The following DCUN1D4 variants were observed in gnomAD, a reference collection of about 807,000 sequenced individuals.
DCUN1D4 encodes the protein DCN1-like protein 4.
A neutral mutation model predicts 47.9 loss-of-function variants in DCUN1D4; 22 were observed. The ratio of observed to expected loss-of-function variants is 0.46; its 90% CI spans 0.33 to 0.66. The LOEUF (loss-of-function observed/expected upper bound fraction) is 0.66, where lower values mean the gene tolerates loss of function less well. Ranked by LOEUF, DCUN1D4 falls within the 30% of genes least tolerant of loss-of-function variation. DCUN1D4 has a pLI of 0.02. For synonymous variants in DCUN1D4, 121 were observed against 112.2 expected (o/e 1.08, Z -0.50); for missense variants, 301 against 340.8 (o/e 0.88, Z 0.92).
chr4:51,844,905 C>A (rs1010231351), intron 1 of DCUN1D4: 1 of 985,552 alleles, frequency 1.0e-6, no homozygotes, highest in Non-Finnish European at 1.2e-6. Flanking sequence ...GCTTTATTCC[C>A]CGGCCAGCTC....
chr4:51,863,318 A>T, intron 1 of DCUN1D4, 119 bp from the exon 2 acceptor site: 1 of 796,988 alleles, frequency 1.3e-6, no homozygotes, highest in Non-Finnish European at 2.0e-6. Context: ...AAAAAACTTT[A>T]GTGTCAAATT....
At chr4:51,866,114 T>TCTA (rs1425367557) in intron 3 of DCUN1D4, among the ~76,000 whole-genome samples, 2 of 152,166 alleles carry the variant, frequency 1.3e-5, no homozygotes. Context: ...CTAGGAGTGT[T>TCTA]CTAGGAGTTC....
chr4:51,842,991 G>A, upstream of DCUN1D4: 1 of 1,223,712 alleles, frequency 8.2e-7, no homozygotes, highest in Non-Finnish European at 1.1e-6. Flanking sequence ...AGGACCAATC[G>A]TATTGGCCAG....
intron 8 of DCUN1D4, among the ~76,000 whole-genome samples, chr4:51,907,816 C>A (rs946236273): frequency 2.6e-5 from 4 of 152,062 alleles, no homozygotes; most frequent in African/African-American, 9.7e-5. Context: ...TTTAAAGGTT[C>A]ATTTTTGTAA....
chr4:51,880,740 C>T (rs1728467151), intron 5 of DCUN1D4, among the ~76,000 whole-genome samples: 1 of 152,172 alleles, frequency 6.6e-6, no homozygotes, highest in South Asian at 2.1e-4. Flanking sequence ...GGTACTTTAG[C>T]TCTCTGTGAC....
chr4:51,857,503 T>A (rs1724318237), intron 1 of DCUN1D4, among the ~76,000 whole-genome samples: 1 of 152,188 alleles, frequency 6.6e-6, no homozygotes, highest in Non-Finnish European at 1.5e-5. Context: ...TTCCCACCAA[T>A]GTTTTCCTGT....
At chr4:51,896,838 T>C (rs1468309535) in intron 7 of DCUN1D4, among the ~76,000 whole-genome samples, 1 of 152,176 alleles carries the variant, frequency 6.6e-6, no homozygotes, top group African/African-American at 2.4e-5. Context: ...GTCTTTCTCA[T>C]AGTGGCAGGT....
intron 5 of DCUN1D4, among the ~76,000 whole-genome samples, chr4:51,878,607 A>C (rs978712631): frequency 1.3e-5 from 2 of 152,108 alleles, no homozygotes; most frequent in Admixed American, 6.5e-5. Flanking sequence ...TACATTCCTG[A>C]ACAACCTCAA....
chr4:51,894,991 T>C (rs888819196), intron 7 of DCUN1D4, among the ~76,000 whole-genome samples: 1 of 152,150 alleles, frequency 6.6e-6, no homozygotes, highest in African/African-American at 2.4e-5. Context: ...TGGTGCCTTC[T>C]AACTGGGTCC....
At chr4:51,892,402 A>G (rs1730566442) in intron 7 of DCUN1D4, among the ~76,000 whole-genome samples, 1 of 152,200 alleles carries the variant, frequency 6.6e-6, no homozygotes, top group Admixed American at 6.5e-5. Context: ...GCCAGTGGCT[A>G]TTGAGTTGAA....
chr4:51,869,115 C>T (rs1347994413), intron 3 of DCUN1D4, among the ~76,000 whole-genome samples: 1 of 105,952 alleles, frequency 9.4e-6, no homozygotes, highest in Non-Finnish European at 1.7e-5. Context: ...CAGAGGGAGA[C>T]TCCATCTCAA....
intron 1 of DCUN1D4, among the ~76,000 whole-genome samples, chr4:51,862,380 C>G (rs1725208673): frequency 1.3e-5 from 2 of 152,218 alleles, no homozygotes; most frequent in South Asian, 4.1e-4. Context: ...TTTCAGGGTT[C>G]AGAGTAGCAG....
In DCUN1D4 at chr4:51,916,751, GAGT is replaced by G. The variant is rs1734362392; in HGVS notation, c.*3169_*3171del. Reference sequence around the variant, plus strand: ...GAAATACTGTTATGCCACCTAACTTGAGTACAGCAAACTGGTTTTAGGTTTCAA... The same window carrying G: ...GAAATACTGTTATGCCACCTAACTTGACAGCAAACTGGTTTTAGGTTTCAA... On this transcript the variant is annotated 3_prime_UTR_variant, in exon 11 of 11. Transcript: ENST00000334635. 1 of 152,536 alleles carries G rather than the reference GAGT, an allele frequency of 6.6e-6. No homozygotes were observed. The highest frequency in any genetic ancestry group is 6.6e-5 in the Admixed American group (1 of 15,256). The allele number at this position is 152,536 out of a possible 1,614,324, so 9.4% of individuals were successfully genotyped here. A position where few individuals can be genotyped will look rare whatever the true frequency, so the allele number is the denominator to read the frequency against.
intron 1 of DCUN1D4, chr4:51,848,120 C>T (rs1340765605): frequency 1.9e-6 from 2 of 1,063,966 alleles, no homozygotes; most frequent in Non-Finnish European, 2.5e-6. Flanking sequence ...CTTCAAGGAA[C>T]ACAAGCTTTC....
At chr4:51,909,213 T>C (rs1446484065) in intron 8 of DCUN1D4, among the ~76,000 whole-genome samples, 1 of 152,134 alleles carries the variant, frequency 6.6e-6, no homozygotes, top group African/African-American at 2.4e-5. Context: ...GAAGGCACAA[T>C]ATATATCACA....
chr4:51,847,381 CAAAG>C (rs1317252426), intron 1 of DCUN1D4, among the ~76,000 whole-genome samples: 1 of 152,128 alleles, frequency 6.6e-6, no homozygotes, highest in East Asian at 1.9e-4. Context: ...TTTTAATAGT[CAAAG>C]AAGAGAACAA....
chr4:51,856,370 A>C (rs1287043156), intron 1 of DCUN1D4, among the ~76,000 whole-genome samples: 3 of 152,230 alleles, frequency 2.0e-5, no homozygotes, highest in Admixed American at 2.0e-4. Flanking sequence ...TTAAAAATAG[A>C]AAGTTAACAC....
chr4:51,869,123 C>CAA (rs531280197), intron 3 of DCUN1D4, among the ~76,000 whole-genome samples: 856 of 38,276 alleles, frequency 0.022, 134 homozygotes, highest in African/African-American at 0.063. Flanking sequence ...GACTCCATCT[C>CAA]AAAAAAAAAA....
intron 5 of DCUN1D4, among the ~76,000 whole-genome samples, chr4:51,882,805 A>T (rs1231669956): frequency 6.6e-6 from 1 of 152,148 alleles, no homozygotes; most frequent in Non-Finnish European, 1.5e-5. Flanking sequence ...AGTTGCACAG[A>T]AAGAGCTTTT....
Sources: gnomAD v4.1 joint callset for allele counts (sites outside exome capture counted in the v4.1 genomes callset) on GRCh38, gnomAD v4.1.1 for gene constraint, MANE v1.5 for transcripts, NCBI Gene and HGNC (gene_info 2026-07-23, HGNC 2026-07-21) for gene names.